The following CEP68 variants were observed in gnomAD, a reference collection of about 807,000 sequenced individuals.
The protein encoded by CEP68 is centrosomal protein 68, also known as centrosomal protein of 68 kDa.
Under a neutral mutation model 55.3 loss-of-function variants are expected in CEP68, and 26 were observed. The observed-to-expected ratio is 0.47, with a 90% confidence interval of 0.34 to 0.65. The LOEUF is 0.65. Among genes scored for constraint, CEP68 ranks in the 30% least tolerant of loss-of-function variants. CEP68 has a pLI of 0.01. For missense variants in CEP68, 957 were observed against 946.7 expected (o/e 1.01, Z -0.14); for synonymous variants, 402 against 383.2 (o/e 1.05, Z -0.57).
intron 1 of CEP68, among the ~76,000 whole-genome samples, chr2:65,058,856 A>T (rs1436365812): frequency 6.6e-6 from 1 of 152,004 alleles, no homozygotes; most frequent in Non-Finnish European, 1.5e-5. Flanking sequence ...TTCTCTTTCC[A>T]CAGTGAAAGT....
chr2:65,077,811 G>A (rs764794767), intron 4 of CEP68, 57 bp from the exon 5 acceptor site: 125 of 1,346,300 alleles, frequency 9.3e-5, no homozygotes, highest in Non-Finnish European at 1.3e-4. Context: ...TTCAAATAAC[G>A]TTTACAAAAC....
chr2:65,066,726 C>CAAA lies in CEP68; in HGVS notation c.-46-2655_-46-2653dup, dbSNP rs869096839. ...TGGAAGACAGAGTGAGACTCTGTCT[C>CAAA]AAAAAAAAAAAAAAAAAAAATATAT... On this transcript the variant is annotated intron_variant, in intron 1 of 6. Transcript: ENST00000377990. 3.6e-3 allele frequency among the ~76,000 whole-genome samples: 153 copies of CAAA among 43,052 alleles called. 3 individuals are homozygous for CAAA. Among genetic ancestry groups the CAAA allele is most frequent in the South Asian group, 8.2e-3 (8 of 972 alleles). 28.2% of individuals were successfully genotyped at this position (43,052 alleles called of 152,430 possible).
chr2:65,068,934 T>C (rs1482043524), intron 1 of CEP68, among the ~76,000 whole-genome samples: 1 of 152,226 alleles, frequency 6.6e-6, no homozygotes, highest in Non-Finnish European at 1.5e-5. Context: ...GGCCTGGGCA[T>C]GCCCTGACTT....
intron 3 of CEP68, chr2:65,073,296 C>G (rs1298728994): frequency 4.9e-6 from 2 of 408,550 alleles, no homozygotes; most frequent in Non-Finnish European, 9.2e-6. Flanking sequence ...TGGCTGCTTC[C>G]TAACTCAGAG....
At chr2:65,081,092 T>C (rs956286289) in intron 5 of CEP68, among the ~76,000 whole-genome samples, 1 of 151,736 alleles carries the variant, frequency 6.6e-6, no homozygotes, top group African/African-American at 2.4e-5. Flanking sequence ...GCGCCAGTAA[T>C]TCCAACTACT....
chr2:65,078,406 G>C (rs957084043), intron 5 of CEP68, among the ~76,000 whole-genome samples: 3 of 152,138 alleles, frequency 2.0e-5, no homozygotes, highest in Non-Finnish European at 4.4e-5. Flanking sequence ...GGAAATAGTT[G>C]TTTCAGAAAA....
Position 65,077,865 on chromosome 2 carries a change from A to C in CEP68, c.2008-3A>C. 6.2e-7 allele frequency: 1 copy of C among 1,607,422 alleles called. No individual in the cohort carries two copies. The highest frequency in any genetic ancestry group is 1.1e-5 in the South Asian group (1 of 90,252). ...GCCTTTTCTTTTTCTGATACGCCTTAAGCAATTTAAGAAAGATATAGATGA... is the reference window on the plus strand; with the variant it reads ...GCCTTTTCTTTTTCTGATACGCCTTCAGCAATTTAAGAAAGATATAGATGA... On this transcript the variant is annotated splice_region_variant and splice_polypyrimidine_tract_variant and intron_variant, in intron 4 of 6. Transcript: ENST00000377990.
At chr2:65,074,771 C>CT in intron 4 of CEP68, 1 of 243,216 alleles carries the variant, frequency 4.1e-6, no homozygotes. Flanking sequence ...AAGACCCCCC[C>CT]CCCTCAAAAA....
At chr2:65,069,855 G>A (rs754619579) in intron 2 of CEP68, 54 bp downstream of exon 2, 2 of 1,470,334 alleles carry the variant, frequency 1.4e-6, no homozygotes, top group Non-Finnish European at 1.9e-6. Flanking sequence ...TTGGGAGTTT[G>A]TTCAGGATTT....
chr2:65,083,429 G>A (rs539838994), intron 6 of CEP68, among the ~76,000 whole-genome samples: 22 of 152,334 alleles, frequency 1.4e-4, no homozygotes, highest in Admixed American at 5.9e-4. Flanking sequence ...ACTGTCGTAC[G>A]TCGCTCCTAC....
chr2:65,064,308 G>T (rs990051882), intron 1 of CEP68, among the ~76,000 whole-genome samples: 2 of 152,126 alleles, frequency 1.3e-5, no homozygotes, highest in Non-Finnish European at 2.9e-5. Flanking sequence ...AAAAGTACAT[G>T]ATCAAAACAA....
At chr2:65,061,580 G>T (rs1675917087) in intron 1 of CEP68, among the ~76,000 whole-genome samples, 1 of 152,250 alleles carries the variant, frequency 6.6e-6, no homozygotes, top group African/African-American at 2.4e-5. Context: ...CTGCAGAGAA[G>T]GGGGACAAAG....
chr2:65,074,561 G>T, intron 4 of CEP68, 157 bp downstream of exon 4: 8 of 1,069,432 alleles, frequency 7.5e-6, no homozygotes, highest in Non-Finnish European at 1.1e-5. Flanking sequence ...TCTTAAAGCG[G>T]AACGCTTTGT....
chr2:65,071,727 C>G lies in CEP68; in HGVS notation c.631C>G (p.Gln211Glu). The G allele has an allele frequency of 6.2e-7, 1 of 1,614,046 alleles. No homozygotes were observed. The highest frequency in any genetic ancestry group is 8.5e-7 in the Non-Finnish European group (1 of 1,180,030). ...SSTGSSLQGH[Q>E]ERAEPRGGSL... ...CACAGGCAGCAGTCTCCAGGGTCAC[C>G]AGGAGAGGGCGGAGCCTCGTGGTGG... The change falls in exon 3 of 7, where the codon CAG becomes GAG. Residue 211 changes from glutamine (Q) to glutamate (E), a missense_variant. Physicochemically the swap from Gln to Glu is conservative, Grantham distance 29. Coordinates refer to ENST00000377990, the MANE Select transcript of CEP68 (RefSeq NM_015147.3).
intron 3 of CEP68, 135 bp from the exon 4 acceptor site, chr2:65,074,147 C>T (rs1373130332): frequency 3.0e-6 from 3 of 997,746 alleles, no homozygotes; most frequent in Non-Finnish European, 4.4e-6. Context: ...GGAGTCGGGA[C>T]AGGTGAGCAA....
rs1676545519 is a variant in CEP68 at position 65,072,686 on chromosome 2, C to T, written c.1590C>T (p.Phe530=). The T allele has an allele frequency of 1.2e-6, 2 of 1,614,062 alleles. No homozygotes were observed. The highest frequency in any genetic ancestry group is 1.7e-6 in the Non-Finnish European group (2 of 1,180,044). Residue 530 remains phenylalanine (F), a synonymous_variant, in exon 3 of 7, where the codon TTC becomes TTT. Coordinates refer to ENST00000377990, the MANE Select transcript of CEP68 (RefSeq NM_015147.3). ...EVSDSDGPAS[F]PSSSSQSQLP... ...CAGACAGTGATGGGCCAGCTTCCTTCCCTTCAAGCTCCAGCCAAAGCCAGC... is the reference window on the plus strand; with the variant it reads ...CAGACAGTGATGGGCCAGCTTCCTTTCCTTCAAGCTCCAGCCAAAGCCAGC...
rs367599510 is a variant in CEP68 at position 65,072,125 on chromosome 2, A to G, written c.1029A>G (p.Pro343=). ...ACCTGGATAGCTTCTCTGTCTCTCC[A>G]GCAAGCACCCTCAAATCACCTACTA... ...GVDLDSFSVS[P]ASTLKSPTNV... is the part of the protein sequence containing the mutation. The change falls in exon 3 of 7, where the codon CCA becomes CCG. Residue 343 remains proline (P), a synonymous_variant. Coordinates refer to ENST00000377990, the MANE Select transcript of CEP68 (RefSeq NM_015147.3). The G allele has an allele frequency of 3.7e-5, 59 of 1,613,948 alleles. No individual in the cohort carries two copies. Among genetic ancestry groups the G allele is most frequent in the Non-Finnish European group, 4.9e-5 (58 of 1,180,022 alleles).
At chr2:65,076,555 T>TG (rs1474615840) in intron 4 of CEP68, among the ~76,000 whole-genome samples, 1 of 152,212 alleles carries the variant, frequency 6.6e-6, no homozygotes, top group Non-Finnish European at 1.5e-5. Flanking sequence ...GACTCCTGCT[T>TG]GGATTAAGAC....
intron 1 of CEP68, among the ~76,000 whole-genome samples, chr2:65,066,745 A>AAAAAATATATATAT (rs70943620): frequency 3.4e-5 from 2 of 58,408 alleles, no homozygotes; most frequent in Non-Finnish European, 6.1e-5. Context: ...AAAAAAAAAA[A>AAAAAATATATATAT]ATATATATAT....
Sources: allele counts gnomAD v4.1 joint callset (sites outside exome capture counted in the v4.1 genomes callset), GRCh38; gene constraint gnomAD v4.1.1; transcripts MANE v1.5; gene names NCBI Gene and HGNC (gene_info 2026-07-23, HGNC 2026-07-21).